Variants in TMEM144 observed in about 807,000 individuals in gnomAD.
TMEM144 encodes transmembrane protein 144.
TMEM144 carries 39 observed loss-of-function variants against 43.6 expected under a neutral mutation model. The observed-to-expected ratio is 0.90, with a 90% CI of 0.69 to 1.17. TMEM144 has a LOEUF of 1.17. Among genes scored for constraint, TMEM144 ranks in the 50% most tolerant of loss-of-function variants. The pLI is 0.00. For missense variants in TMEM144, 417 were observed against 411.9 expected, an observed-to-expected ratio of 1.01 and a Z score of -0.11; for synonymous variants, 154 against 133.6, an observed-to-expected ratio of 1.15 and a Z score of -1.06.
chr4:158,243,402 C>G (rs915772592), intron 11 of TMEM144, among the ~76,000 whole-genome samples: 11 of 152,228 alleles, frequency 7.2e-5, no homozygotes, highest in African/African-American at 2.6e-4. Flanking sequence ...TTCATTGACT[C>G]AGTCCTTTTG....
In TMEM144 at chr4:158,227,390, C is replaced by T. The variant is rs140661211; in HGVS notation, c.414-5511C>T. On this transcript the variant is annotated intron_variant, in intron 6 of 12. Transcript: ENST00000296529. ...GGAAGGCCTCAGTGCTTTCAGGATA[C>T]GCCATTGTTTACACTGACAATGAAG... Among the ~76,000 whole-genome samples the T allele has an allele frequency of 8.6e-3, 1,313 of 152,176 alleles. 19 individuals carry two copies. Among genetic ancestry groups the T allele is most frequent in the African/African-American group, 0.029 (1,213 of 41,502 alleles).
chr4:158,252,385 C>T (rs2111159899), intron 12 of TMEM144, among the ~76,000 whole-genome samples: 1 of 152,290 alleles, frequency 6.6e-6, no homozygotes, highest in African/African-American at 2.4e-5. Context: ...TCATCTTTTC[C>T]CTGGGAGACT....
At position 158,254,835 on chromosome 4, in the gene TMEM144, C is replaced by T. The variant is rs913372866; in HGVS notation, c.*1308C>T. On this transcript the variant is annotated 3_prime_UTR_variant, in exon 13 of 13. Coordinates refer to ENST00000296529, the MANE Select transcript of TMEM144 (RefSeq NM_018342.5). ...GTGCATGGGTTAAATCCCACCTCTG[C>T]TTCATTTTATTTGTGTGGCTTTGGA... is the stretch of plus-strand genomic sequence containing the variant. 6.6e-6 allele frequency: 1 copy of T among 152,146 alleles called. No individual in the cohort carries two copies. Among genetic ancestry groups the T allele is most frequent in the Non-Finnish European group, 1.5e-5 (1 of 68,020 alleles). 9.4% of individuals were successfully genotyped at this position (152,146 alleles called of 1,614,324 possible).
At chr4:158,246,650 A>G (rs780568153) in intron 12 of TMEM144, among the ~76,000 whole-genome samples, 3 of 152,130 alleles carry the variant, frequency 2.0e-5, no homozygotes, top group Non-Finnish European at 2.9e-5. Flanking sequence ...CCTTTCTACA[A>G]AAAGTAACTC....
rs28510124 is a variant in TMEM144, at chr4:158,236,725, G to A, written c.564-800G>A. On this transcript the variant is annotated intron_variant, in intron 8 of 12. Transcript: ENST00000296529. The stretch of plus-strand genomic sequence containing the variant: ...TTTAGAGACAAGGTCTCACTCTGTC[G>A]CCTGGGCTGGAGTGCAGTGGCAAAG... Among the ~76,000 whole-genome samples, 1,373 of 151,940 alleles carry A rather than the reference G, an allele frequency of 9.0e-3. 13 individuals carry two copies. Among genetic ancestry groups the A allele is most frequent in the African/African-American group, 0.031 (1,278 of 41,436 alleles).
chr4:158,244,695 A>G (rs1204604504), intron 12 of TMEM144, among the ~76,000 whole-genome samples: 2 of 152,294 alleles, frequency 1.3e-5, no homozygotes, highest in African/African-American at 2.4e-5. Context: ...ATGGGAATGC[A>G]TTCAGGTGAG....
rs140358617 is a variant in TMEM144 at position 158,242,472 on chromosome 4, C to T, written c.900+866C>T. ...ACTTTTTTAAACTTAAAATGTCAAACGAACCTATCACCTAGTTTCAACAAT... is the reference window on the plus strand; with the variant it reads ...ACTTTTTTAAACTTAAAATGTCAAATGAACCTATCACCTAGTTTCAACAAT... On this transcript the variant is annotated intron_variant, in intron 11 of 12. Coordinates refer to ENST00000296529, the MANE Select transcript of TMEM144 (RefSeq NM_018342.5). Among the ~76,000 whole-genome samples the T allele has an allele frequency of 4.3e-4, 65 of 152,234 alleles. No homozygotes were observed. In the East Asian group the frequency reaches 9.1e-3, roughly 21 times the overall value.
Position 158,240,367 on chromosome 4 carries a change from T to C in TMEM144, c.751T>C (p.Cys251Arg). 6.2e-7 allele frequency: 1 copy of C among 1,613,970 alleles called. No homozygotes were observed. The highest frequency in any genetic ancestry group is 1.1e-5 in the South Asian group (1 of 91,058). ...AAGTACTGTCTACTTTCTGGCCTAC[T>C]GCATAGCCATGAAAAATAGTCCTAA... ...LTSTVYFLAY[C>R]IAMKNSPKLY... is the part of the protein sequence containing the mutation. Residue 251 changes from cysteine (C) to arginine (R), a missense_variant, in exon 10 of 13, where the codon TGC becomes CGC. By Grantham distance (180) the Cys-to-Arg change is radical. Coordinates refer to ENST00000296529, the MANE Select transcript of TMEM144 (RefSeq NM_018342.5).
In TMEM144 at chr4:158,253,493, C is replaced by CT. The variant is rs1736319353; in HGVS notation, c.1005dup (p.Gly336TrpfsTer9). The stretch of plus-strand genomic sequence containing the variant: ...ATACTTGCATTTTGCATCATCTTGA[C>CT]TGGAGCCTTATGCACTGCTTTTTCT... On this transcript the variant is annotated frameshift_variant, in exon 13 of 13. Coordinates refer to ENST00000296529, the MANE Select transcript of TMEM144 (RefSeq NM_018342.5). LOFTEE classifies it high-confidence loss of function. The CT allele has an allele frequency of 6.2e-7, 1 of 1,613,880 alleles. No individual in the cohort carries two copies. The highest frequency in any genetic ancestry group is 8.5e-7 in the Non-Finnish European group (1 of 1,179,868).
intron 3 of TMEM144, 110 bp downstream of exon 3, chr4:158,212,886 C>T (rs1560818423): frequency 1.1e-6 from 1 of 872,546 alleles, no homozygotes; most frequent in South Asian, 1.4e-5. Flanking sequence ...ATCTTGATAC[C>T]TAGTGAATAG....
chr4:158,221,463 T>C (rs1479265142), intron 6 of TMEM144, among the ~76,000 whole-genome samples: 1 of 152,184 alleles, frequency 6.6e-6, no homozygotes, highest in East Asian at 1.9e-4. Context: ...GCTCCATGGT[T>C]CAGGAGAGAG....
At chr4:158,247,329 C>T (rs1022390546) in intron 12 of TMEM144, among the ~76,000 whole-genome samples, 5 of 151,560 alleles carry the variant, frequency 3.3e-5, no homozygotes, top group African/African-American at 7.3e-5. Flanking sequence ...TACTATTATA[C>T]GATATTTCCT....
At chr4:158,223,617 G>A (rs998222637) in intron 6 of TMEM144, among the ~76,000 whole-genome samples, 6 of 152,056 alleles carry the variant, frequency 3.9e-5, no homozygotes, top group African/African-American at 9.7e-5. Flanking sequence ...CTGTGTCCAC[G>A]TATTCTCACT....
At position 158,253,518 on chromosome 4, in the gene TMEM144, T is replaced by C. The variant is rs1736321179; in HGVS notation, c.1029T>C (p.Ser343=). 1 of 1,613,458 alleles carries C rather than the reference T, an allele frequency of 6.2e-7. No homozygotes were observed. Among genetic ancestry groups the C allele is most frequent in the Non-Finnish European group, 8.5e-7 (1 of 1,179,676 alleles). Residue 343 remains serine (S), a synonymous_variant, in exon 13 of 13, where the codon TCT becomes TCC. Coordinates refer to ENST00000296529, the MANE Select transcript of TMEM144 (RefSeq NM_018342.5). Reference sequence around the variant, plus strand: ...CTGGAGCCTTATGCACTGCTTTTTCTAAAATCTAACAATGACAAAACCAGC... The same window carrying C: ...CTGGAGCCTTATGCACTGCTTTTTCCAAAATCTAACAATGACAAAACCAGC... ...ILTGALCTAF[S]KI is the part of the protein sequence containing the mutation.
intron 7 of TMEM144, chr4:158,233,530 AC>A (rs1376913066): frequency 1.3e-5 from 2 of 152,272 alleles, no homozygotes; most frequent in Admixed American, 1.3e-4. Flanking sequence ...TTTAAAAGGG[AC>A]CTGATAAAGC....
rs542317189 is a variant in TMEM144, at chr4:158,236,028, A to C, written c.563+523A>C. Reference sequence around the variant, plus strand: ...AACTCAGGGAGTTGGGCTCAACATCAGCCCCTCTACTTTAGGGTGTTTTTT... The same window carrying C: ...AACTCAGGGAGTTGGGCTCAACATCCGCCCCTCTACTTTAGGGTGTTTTTT... On this transcript the variant is annotated intron_variant, in intron 8 of 12. Transcript: ENST00000296529. 1.8e-4 allele frequency among the ~76,000 whole-genome samples: 27 copies of C among 152,310 alleles called. 1 individual carries two copies. In the South Asian group the frequency reaches 4.6e-3, roughly 26 times the overall value.
At chr4:158,222,534 C>T (rs1034201309) in intron 6 of TMEM144, among the ~76,000 whole-genome samples, 1 of 152,196 alleles carries the variant, frequency 6.6e-6, no homozygotes, top group African/African-American at 2.4e-5. Flanking sequence ...TAGTTAGACT[C>T]TTCCCCTAAA....
chr4:158,248,970 G>A (rs1211060195), intron 12 of TMEM144, among the ~76,000 whole-genome samples: 4 of 151,998 alleles, frequency 2.6e-5, no homozygotes, highest in African/African-American at 9.7e-5. Context: ...GGAGTGATGC[G>A]ATCTCGGCTC....
At chr4:158,214,345 A>G (rs552978141) in intron 3 of TMEM144, among the ~76,000 whole-genome samples, 9 of 152,310 alleles carry the variant, frequency 5.9e-5, no homozygotes, top group Admixed American at 5.2e-4. Context: ...CTCTTTTGTC[A>G]TGGAGATTAG....
Sources: allele counts gnomAD v4.1 joint callset (sites outside exome capture counted in the v4.1 genomes callset), GRCh38; gene constraint gnomAD v4.1.1; transcripts MANE v1.5; gene names NCBI Gene and HGNC (gene_info 2026-07-23, HGNC 2026-07-21).